RBPJ: variants seen among roughly 807,000 people sequenced by gnomAD.
The protein encoded by RBPJ is recombining binding protein suppressor of hairless.
Under a neutral mutation model 67.8 loss-of-function variants are expected in RBPJ, and 9 were observed. The observed-to-expected ratio is 0.13, with a 90% CI of 0.08 to 0.23. RBPJ has a LOEUF of 0.23. RBPJ is among the 10% of genes least tolerant of loss of function. The pLI is 1.00. For missense variants in RBPJ, 305 were observed against 595.6 expected (o/e 0.51, Z 5.08); for synonymous variants, 198 against 203.3 (o/e 0.97, Z 0.22).
intron 1 of RBPJ, among the ~76,000 whole-genome samples, chr4:26,334,948 T>C (rs1325379105): frequency 2.0e-5 from 3 of 152,346 alleles, no homozygotes; most frequent in East Asian, 1.9e-4. Flanking sequence ...GTGTCATTAG[T>C]GTGGATGTTT....
At chr4:26,320,417 C>A, upstream of RBPJ, 3 of 342,272 alleles carry the variant, frequency 8.8e-6, no homozygotes, top group African/African-American at 6.3e-5. Flanking sequence ...GAAGACAGTC[C>A]CCGACGTGTC....
intron 1 of RBPJ, 107 bp downstream of exon 1, chr4:26,321,155 G>T: frequency 3.2e-6 from 2 of 631,882 alleles, no homozygotes; most frequent in Non-Finnish European, 4.6e-6. Context: ...GCGTTCGGGG[G>T]CCCGCGGGGG....
intron 1 of RBPJ, among the ~76,000 whole-genome samples, chr4:26,373,588 A>G (rs545428178): frequency 9.8e-5 from 15 of 152,364 alleles, no homozygotes; most frequent in Admixed American, 9.8e-4. Context: ...CTACCAACAG[A>G]AAAAAGAACA....
chr4:26,266,668 G>A (rs1720713861), intron 1 of RBPJ, among the ~76,000 whole-genome samples: 1 of 152,136 alleles, frequency 6.6e-6, no homozygotes, highest in Non-Finnish European at 1.5e-5. Context: ...TGGGGAGTAG[G>A]GGTGAGGGTG....
At chr4:26,240,214 C>T (rs1321379361) in intron 1 of RBPJ, among the ~76,000 whole-genome samples, 1 of 152,136 alleles carries the variant, frequency 6.6e-6, no homozygotes, top group Non-Finnish European at 1.5e-5. Context: ...AATCATTTGC[C>T]GTTTATCTGA....
At chr4:26,149,468 C>T in the RBPJ span, among the ~76,000 whole-genome samples, 3 of 152,168 alleles carry the variant, frequency 2.0e-5, no homozygotes, top group Non-Finnish European at 2.9e-5. Context: ...TGCTATTGTT[C>T]GGATGTATTC....
chr4:26,113,258 T>C, the RBPJ span: 1 of 340,270 alleles, frequency 2.9e-6, no homozygotes, highest in African/African-American at 2.1e-5. Context: ...ATGGGAATAA[T>C]TTCAGCAAGA....
At chr4:26,118,340 A>G in the RBPJ span, among the ~76,000 whole-genome samples, 1 of 152,198 alleles carries the variant, frequency 6.6e-6, no homozygotes. Context: ...GGTTAAAAGA[A>G]AAGTTCATCC....
chr4:26,220,810 A>G (rs1370806270), intron 1 of RBPJ, among the ~76,000 whole-genome samples: 6 of 152,214 alleles, frequency 3.9e-5, no homozygotes, highest in Non-Finnish European at 7.3e-5. Flanking sequence ...ACCCAGGGCT[A>G]AGGGACAGAG....
At chr4:26,243,707 A>G (rs1324377722) in intron 1 of RBPJ, among the ~76,000 whole-genome samples, 2 of 152,226 alleles carry the variant, frequency 1.3e-5, no homozygotes, top group Non-Finnish European at 2.9e-5. Context: ...GATTCCACAT[A>G]AACATGATCT....
intron 1 of RBPJ, among the ~76,000 whole-genome samples, chr4:26,211,598 C>G (rs991674062): frequency 4.6e-5 from 7 of 152,132 alleles, no homozygotes; most frequent in Non-Finnish European, 7.3e-5. Flanking sequence ...TTATTGAGAG[C>G]CTTCGCACCA....
the RBPJ span, among the ~76,000 whole-genome samples, chr4:26,118,551 G>A: frequency 6.6e-6 from 1 of 152,178 alleles, no homozygotes; most frequent in Non-Finnish European, 1.5e-5. Context: ...AAGATCACTC[G>A]GGCTTGCAGG....
chr4:26,244,343 ATG>A (rs1424993915), intron 1 of RBPJ, among the ~76,000 whole-genome samples: 77 of 95,508 alleles, frequency 8.1e-4, no homozygotes, highest in Non-Finnish European at 1.3e-3. Context: ...GTGTACACAT[ATG>A]TGTGTATATA....
At chr4:26,231,705 C>G (rs942623008) in intron 1 of RBPJ, among the ~76,000 whole-genome samples, 4 of 151,740 alleles carry the variant, frequency 2.6e-5, no homozygotes, top group African/African-American at 9.7e-5. Flanking sequence ...AGCCACGGCG[C>G]CCAGCCTATT....
At chr4:26,132,948 C>G in the RBPJ span, among the ~76,000 whole-genome samples, 1 of 152,186 alleles carries the variant, frequency 6.6e-6, no homozygotes, top group Non-Finnish European at 1.5e-5. Flanking sequence ...ATTGGTAGCT[C>G]TGCCTCCCTT....
chr4:26,112,466 C>G, the RBPJ span: 2 of 151,606 alleles, frequency 1.3e-5, no homozygotes, highest in Non-Finnish European at 2.9e-5. Context: ...TTAATCATCA[C>G]CAGGCTCTCA....
chr4:26,190,742 T>A (rs548630820), intron 1 of RBPJ, among the ~76,000 whole-genome samples: 2 of 152,222 alleles, frequency 1.3e-5, no homozygotes, highest in South Asian at 4.1e-4. Flanking sequence ...ACAGCAAAAA[T>A]ATTTATCTAG....
intron 1 of RBPJ, among the ~76,000 whole-genome samples, chr4:26,242,752 T>A (rs544258571): frequency 6.9e-6 from 1 of 145,944 alleles, no homozygotes; most frequent in African/African-American, 2.5e-5. Flanking sequence ...TATTTAAGAG[T>A]CTCCTTGATT....
the RBPJ span, among the ~76,000 whole-genome samples, chr4:26,137,506 A>G: frequency 1.7e-4 from 26 of 152,270 alleles, no homozygotes; most frequent in Admixed American, 1.3e-3. Flanking sequence ...TCAGAGTACT[A>G]TGGAGAGAAG....
Sources: gnomAD v4.1 joint callset for allele counts (sites outside exome capture counted in the v4.1 genomes callset) on GRCh38, gnomAD v4.1.1 for gene constraint, MANE v1.5 for transcripts, NCBI Gene and HGNC (gene_info 2026-07-23, HGNC 2026-07-21) for gene names.